DCLK1: variants seen among roughly 807,000 people sequenced by gnomAD.
DCLK1 encodes the protein doublecortin like kinase 1.
A neutral mutation model predicts 86.2 loss-of-function variants in DCLK1; 16 were observed. That is an observed-to-expected ratio of 0.19 (90% CI 0.13 to 0.28). The LOEUF is 0.28. Ranked by LOEUF, DCLK1 falls within the 10% of genes least tolerant of loss-of-function variation. The pLI is 1.00. For synonymous variants in DCLK1, 369 were observed against 370.5 expected (o/e 1.00, Z 0.05); for missense variants, 590 against 940.2 (o/e 0.63, Z 4.87).
At chr13:35,842,083 G>T (rs1869838601) in intron 6 of DCLK1, among the ~76,000 whole-genome samples, 1 of 151,712 alleles carries the variant, frequency 6.6e-6, no homozygotes, top group South Asian at 2.1e-4. Context: ...AAAAAAATTA[G>T]CCAGGCATGG....
intron 4 of DCLK1, among the ~76,000 whole-genome samples, chr13:35,919,900 G>T (rs113615541): frequency 0.032 from 4,506 of 141,092 alleles, 274 homozygotes; most frequent in African/African-American, 0.11. Flanking sequence ...TAGCACTCTT[G>T]CGGGGGGGTG....
At chr13:35,847,717 T>C (rs1168595329) in intron 6 of DCLK1, 2 of 984,742 alleles carry the variant, frequency 2.0e-6, no homozygotes, top group African/African-American at 3.5e-5. Context: ...CGGCTGGTTA[T>C]GTAGGGTATA....
At chr13:35,793,282 T>C in intron 16 of DCLK1, 84 bp downstream of exon 16, 8 of 1,078,616 alleles carry the variant, frequency 7.4e-6, no homozygotes, top group Non-Finnish European at 1.1e-5. Flanking sequence ...CTGCTGTCTC[T>C]GACTGGAGAA....
chr13:35,828,336 A>G lies in DCLK1; in HGVS notation c.1230-29T>C, dbSNP rs368264682. 3 of 1,576,328 alleles carry G rather than the reference A, an allele frequency of 1.9e-6. No homozygotes were observed. In the African/African-American group the frequency reaches 4.0e-5, roughly 21 times the overall value. Reference sequence around the variant, plus strand: ...CGAAGAGAAAGTTCATGTTTTTAAAATGAAACTTAACTTCAAATCTATTGA... The same window carrying G: ...CGAAGAGAAAGTTCATGTTTTTAAAGTGAAACTTAACTTCAAATCTATTGA... On this transcript the variant is annotated intron_variant, in intron 8 of 16. Coordinates refer to ENST00000360631, the MANE Select transcript of DCLK1 (RefSeq NM_001330071.2).
At chr13:35,923,149 C>T (rs1413249118) in intron 4 of DCLK1, among the ~76,000 whole-genome samples, 2 of 152,112 alleles carry the variant, frequency 1.3e-5, no homozygotes, top group African/African-American at 4.8e-5. Flanking sequence ...TGCAGGAACT[C>T]CAGCGGGAAA....
intron 15 of DCLK1, among the ~76,000 whole-genome samples, chr13:35,795,056 C>T (rs1422194379): frequency 6.6e-6 from 1 of 152,174 alleles, no homozygotes; most frequent in Non-Finnish European, 1.5e-5. Flanking sequence ...GGAGCTGTTA[C>T]AAGGCTGCAT....
At chr13:35,912,085 G>A (rs1322246440) in intron 4 of DCLK1, among the ~76,000 whole-genome samples, 1 of 152,148 alleles carries the variant, frequency 6.6e-6, no homozygotes, top group Non-Finnish European at 1.5e-5. Context: ...CCACAGTAAA[G>A]CTCAATCAAT....
At chr13:36,086,774 T>C (rs1884622423) in intron 3 of DCLK1, among the ~76,000 whole-genome samples, 1 of 152,168 alleles carries the variant, frequency 6.6e-6, no homozygotes, top group African/African-American at 2.4e-5. Context: ...TCCAGCTTCA[T>C]CTAGGTCCCT....
At chr13:36,081,130 C>T (rs1884406582) in intron 3 of DCLK1, among the ~76,000 whole-genome samples, 1 of 151,916 alleles carries the variant, frequency 6.6e-6, no homozygotes, top group Non-Finnish European at 1.5e-5. Flanking sequence ...TATAAAAATT[C>T]AGCATAACAT....
At position 35,973,338 on chromosome 13, in the gene DCLK1, A is replaced by G. The variant is rs549763690; in HGVS notation, c.724-25881T>C. Among the ~76,000 whole-genome samples, 364 of 152,254 alleles carry G rather than the reference A, an allele frequency of 2.4e-3. 1 individual carries two copies. Among genetic ancestry groups the G allele is most frequent in the Non-Finnish European group, 3.8e-3 (261 of 68,012 alleles). On this transcript the variant is annotated intron_variant, in intron 3 of 16. Transcript: ENST00000360631. ...CTTATAGGCTTTTGCCCCTCCTGGGAAGACCTCCCCTTGCTCATGGCCCAT... is the reference window on the plus strand; with the variant it reads ...CTTATAGGCTTTTGCCCCTCCTGGGGAGACCTCCCCTTGCTCATGGCCCAT...
intron 8 of DCLK1, among the ~76,000 whole-genome samples, chr13:35,831,409 AGAATAT>A (rs1174562340): frequency 3.3e-5 from 5 of 152,238 alleles, no homozygotes; most frequent in East Asian, 3.8e-4. Context: ...CATAAGAATA[AGAATAT>A]AAGTGTCTGC....
chr13:35,798,454 CACGTAG>C (rs560144582), intron 15 of DCLK1, among the ~76,000 whole-genome samples: 4 of 152,254 alleles, frequency 2.6e-5, no homozygotes, highest in African/African-American at 9.6e-5. Flanking sequence ...AAAATATTCC[CACGTAG>C]TTTAAAACCA....
rs1203568333 is a variant in DCLK1 at position 35,775,451 on chromosome 13, C to T, written c.2059-752G>A. ...TCTATGCCTCAATTTCCTGAGGAGA[C>T]CTCCGATGATTCCCCGGATGTGTTA... On this transcript the variant is annotated intron_variant, in intron 16 of 16. Transcript: ENST00000360631. Among the ~76,000 whole-genome samples, 5 of 152,258 alleles carry T rather than the reference C, an allele frequency of 3.3e-5. No individual in the cohort carries two copies. In the East Asian group the frequency reaches 9.7e-4, roughly 29 times the overall value.
At chr13:36,076,200 G>A (rs1884209070) in intron 3 of DCLK1, among the ~76,000 whole-genome samples, 1 of 152,162 alleles carries the variant, frequency 6.6e-6, no homozygotes. Flanking sequence ...AAAAATGTAT[G>A]AGGAGAAATA....
intron 3 of DCLK1, among the ~76,000 whole-genome samples, chr13:36,007,227 C>T (rs1881017529): frequency 6.6e-6 from 1 of 152,182 alleles, no homozygotes; most frequent in South Asian, 2.1e-4. Context: ...CAGCCTCAAA[C>T]ACCTGAAATC....
chr13:35,995,374 G>A (rs1294318423), intron 3 of DCLK1, among the ~76,000 whole-genome samples: 2 of 152,130 alleles, frequency 1.3e-5, no homozygotes, highest in African/African-American at 4.8e-5. Context: ...TAGTTAGTAT[G>A]GGGCAATATT....
rs57578824 is a variant in DCLK1 at position 35,923,975 on chromosome 13, A to T, written c.823+23383T>A. Among the ~76,000 whole-genome samples, 349 of 152,262 alleles carry T rather than the reference A, an allele frequency of 2.3e-3. 1 individual carries two copies. Among genetic ancestry groups the T allele is most frequent in the African/African-American group, 7.9e-3 (330 of 41,552 alleles). On this transcript the variant is annotated intron_variant, in intron 4 of 16. Transcript: ENST00000360631. The stretch of plus-strand genomic sequence containing the variant: ...ATTAAGGACCAGAATAGTTCGAGGG[A>T]TCATAAGGATCTGGGTATTTCAGCT...
chr13:36,077,542 T>C (rs1432952195), intron 3 of DCLK1, among the ~76,000 whole-genome samples: 1 of 152,150 alleles, frequency 6.6e-6, no homozygotes, highest in Non-Finnish European at 1.5e-5. Context: ...CAGAAGTCTA[T>C]TAGCACTAAA....
intron 4 of DCLK1, among the ~76,000 whole-genome samples, chr13:35,891,661 G>A (rs1382931462): frequency 6.6e-6 from 1 of 152,134 alleles, no homozygotes; most frequent in Non-Finnish European, 1.5e-5. Context: ...AAAATAAATT[G>A]TGGTGTGTTT....
Sources: allele counts gnomAD v4.1 joint callset (sites outside exome capture counted in the v4.1 genomes callset), GRCh38; gene constraint gnomAD v4.1.1; transcripts MANE v1.5; gene names NCBI Gene and HGNC (gene_info 2026-07-23, HGNC 2026-07-21).